The following RAB6B variants were observed in gnomAD, a reference collection of about 807,000 sequenced individuals.
RAB6B encodes the protein RAB6B, member RAS oncogene family.
Under a neutral mutation model 31.2 loss-of-function variants are expected in RAB6B, and 7 were observed. The ratio of observed to expected loss-of-function variants is 0.22; its 90% CI spans 0.13 to 0.42. The LOEUF (loss-of-function observed/expected upper bound fraction) is 0.42. Ranked by LOEUF, RAB6B falls within the 10% of genes least tolerant of loss-of-function variation. The pLI is 1.00. For synonymous variants in RAB6B, 105 were observed against 104.9 expected, an observed-to-expected ratio of 1.00 and a Z score of -0.01; for missense variants, 149 against 280.6, an observed-to-expected ratio of 0.53 and a Z score of 3.35.
At chr3:133,893,484 G>C (rs1246259420) in intron 1 of RAB6B, among the ~76,000 whole-genome samples, 1 of 152,060 alleles carries the variant, frequency 6.6e-6, no homozygotes, top group Non-Finnish European at 1.5e-5. Flanking sequence ...GCCCAGCAGG[G>C]GCCTCCGTTC....
At chr3:133,830,714 G>C (rs761642363) in intron 7 of RAB6B, among the ~76,000 whole-genome samples, 13 of 152,132 alleles carry the variant, frequency 8.5e-5, no homozygotes, top group Non-Finnish European at 1.6e-4. Flanking sequence ...AGGTGCCCAG[G>C]TACAAACCCA....
Position 133,827,590 on chromosome 3 carries a change from G to C in RAB6B, c.*1198C>G. On this transcript the variant is annotated 3_prime_UTR_variant, in exon 8 of 8. Transcript: ENST00000285208. ...CTCAGGTGACCACAGCGCAGCCACA[G>C]TAGCCACAAAGATATGTCCACAAAG... 2.8e-6 allele frequency: 1 copy of C among 359,050 alleles called. No homozygotes were observed. The highest frequency in any genetic ancestry group is 5.1e-6 in the Non-Finnish European group (1 of 196,552). 22.2% of individuals were successfully genotyped at this position (359,050 alleles called of 1,614,324 possible).
intron 2 of RAB6B, among the ~76,000 whole-genome samples, chr3:133,855,679 G>T (rs565549147): frequency 1.3e-5 from 2 of 152,264 alleles, no homozygotes; most frequent in African/African-American, 4.8e-5. Flanking sequence ...ACTTTTGAGG[G>T]CATCTAAGAA....
chr3:133,863,782 T>G (rs1189582776), intron 2 of RAB6B, among the ~76,000 whole-genome samples: 1 of 152,196 alleles, frequency 6.6e-6, no homozygotes, highest in Non-Finnish European at 1.5e-5. Flanking sequence ...CATTATCATT[T>G]GTCTCTATCT....
chr3:133,887,154 G>A (rs995870024), intron 1 of RAB6B, among the ~76,000 whole-genome samples: 2 of 152,182 alleles, frequency 1.3e-5, no homozygotes, highest in Admixed American at 6.5e-5. Flanking sequence ...GTGGAAAGGG[G>A]TGCCCCTGGG....
At chr3:133,846,528 GC>G (rs1935910865) in intron 2 of RAB6B, among the ~76,000 whole-genome samples, 1 of 152,120 alleles carries the variant, frequency 6.6e-6, no homozygotes, top group South Asian at 2.1e-4. Flanking sequence ...CTTGAGAATA[GC>G]CCCCAACTTC....
At chr3:133,868,301 G>A (rs1936265756) in intron 1 of RAB6B, among the ~76,000 whole-genome samples, 1 of 152,198 alleles carries the variant, frequency 6.6e-6, no homozygotes, top group Non-Finnish European at 1.5e-5. Context: ...CCAACCATAA[G>A]GGGTGGGCAG....
intron 1 of RAB6B, among the ~76,000 whole-genome samples, chr3:133,893,357 C>G (rs1936662873): frequency 1.3e-5 from 2 of 152,192 alleles, no homozygotes; most frequent in Admixed American, 1.3e-4. Flanking sequence ...CCAGGCAAGG[C>G]CTCCCTGTTC....
At chr3:133,869,436 A>C (rs1337647922) in intron 1 of RAB6B, among the ~76,000 whole-genome samples, 1 of 152,264 alleles carries the variant, frequency 6.6e-6, no homozygotes, top group East Asian at 1.9e-4. Context: ...CACATGGCAC[A>C]GGCCATGTCA....
intron 2 of RAB6B, among the ~76,000 whole-genome samples, chr3:133,851,468 T>G (rs1935983574): frequency 6.6e-6 from 1 of 152,106 alleles, no homozygotes. Context: ...TAACCCTGGT[T>G]GAAGGATAGT....
At chr3:133,845,356 G>A (rs1480142140) in intron 2 of RAB6B, among the ~76,000 whole-genome samples, 3 of 152,218 alleles carry the variant, frequency 2.0e-5, no homozygotes, top group East Asian at 1.9e-4. Flanking sequence ...GGAGCACCCT[G>A]GCTCCCCTCT....
chr3:133,856,755 C>T (rs779761381), intron 2 of RAB6B, among the ~76,000 whole-genome samples: 6 of 152,212 alleles, frequency 3.9e-5, no homozygotes, highest in South Asian at 4.2e-4. Context: ...AAAAGTCCAA[C>T]GCCTGGAGTA....
At chr3:133,829,779 T>C (rs1383827076) in intron 7 of RAB6B, among the ~76,000 whole-genome samples, 1 of 152,204 alleles carries the variant, frequency 6.6e-6, no homozygotes, top group Non-Finnish European at 1.5e-5. Flanking sequence ...GAAGTTCACA[T>C]TCTCTTTCCT....
intron 4 of RAB6B, 132 bp from the exon 5 acceptor site, chr3:133,839,749 C>T (rs1055678180): frequency 1.7e-5 from 12 of 722,798 alleles, no homozygotes; most frequent in East Asian, 2.6e-5. Flanking sequence ...GGGGTGTGAG[C>T]TCAGTCAACA....
intron 7 of RAB6B, among the ~76,000 whole-genome samples, chr3:133,830,858 G>A (rs975603280): frequency 1.2e-4 from 18 of 152,118 alleles, no homozygotes; most frequent in Admixed American, 9.2e-4. Flanking sequence ...TCCTGTGCAC[G>A]GAGGATGTTC....
chr3:133,828,787 A>G lies in RAB6B; in HGVS notation c.*1T>C, dbSNP rs768100530. ...ATGGGAAGCCACAGGTCGGCTCTGC[A>G]TTAGCAGGAGCAGCCGCCCTCGCTG... On this transcript the variant is annotated 3_prime_UTR_variant, in exon 8 of 8. Transcript: ENST00000285208. 1 of 1,608,840 alleles carries G rather than the reference A, an allele frequency of 6.2e-7. No individual in the cohort carries two copies. The highest frequency in any genetic ancestry group is 8.5e-7 in the Non-Finnish European group (1 of 1,175,706).
intron 4 of RAB6B, 23 bp from the exon 5 acceptor site, chr3:133,839,640 A>C: frequency 6.3e-7 from 1 of 1,576,550 alleles, no homozygotes; most frequent in Non-Finnish European, 8.7e-7. Flanking sequence ...AGTGAGGATA[A>C]ACTGAAAGCC....
At chr3:133,843,203 A>G (rs1197513935) in intron 2 of RAB6B, among the ~76,000 whole-genome samples, 1 of 151,972 alleles carries the variant, frequency 6.6e-6, no homozygotes, top group East Asian at 1.9e-4. Context: ...CTTAGATACA[A>G]TCCAATCAAT....
At chr3:133,874,103 A>T (rs906329861) in intron 1 of RAB6B, among the ~76,000 whole-genome samples, 1 of 152,192 alleles carries the variant, frequency 6.6e-6, no homozygotes, top group Admixed American at 6.5e-5. Flanking sequence ...GTGGACAGGG[A>T]GGCAGGACAG....
Sources: gnomAD v4.1 joint callset for allele counts (sites outside exome capture counted in the v4.1 genomes callset) on GRCh38, gnomAD v4.1.1 for gene constraint, MANE v1.5 for transcripts, NCBI Gene and HGNC (gene_info 2026-07-23, HGNC 2026-07-21) for gene names.